LRTM3: variants seen among roughly 807,000 people sequenced by gnomAD.
LRTM3 encodes leucine rich repeat transmembrane protein 3.
chr13:102,738,777 C>A, the LRTM3 span: 18 of 1,550,422 alleles, frequency 1.2e-5, no homozygotes, highest in East Asian at 3.2e-4. Context: ...GAGATGGAAG[C>A]AAAAGGTTTG....
chr13:102,751,347 A>C, the LRTM3 span, among the ~76,000 whole-genome samples: 1 of 36,660 alleles, frequency 2.7e-5, no homozygotes, highest in Non-Finnish European at 6.8e-5. Flanking sequence ...CTTTATACAC[A>C]CACACACACA....
the LRTM3 span, chr13:102,744,985 C>T: frequency 6.4e-7 from 1 of 1,550,734 alleles, no homozygotes; most frequent in Non-Finnish European, 8.7e-7. Flanking sequence ...TTACTGAGTC[C>T]TCTGATTTTA....
chr13:102,746,550 T>C, the LRTM3 span: 1 of 1,551,002 alleles, frequency 6.4e-7, no homozygotes, highest in Non-Finnish European at 8.7e-7. Context: ...CTGTGGCTTG[T>C]GACACTGACT....
chr13:102,739,815 C>T, the LRTM3 span: 7 of 1,549,352 alleles, frequency 4.5e-6, no homozygotes, highest in African/African-American at 8.2e-5. Flanking sequence ...AGAATAGACT[C>T]ACATATTTTT....
At chr13:102,758,437 G>T in the LRTM3 span, 1 of 1,535,178 alleles carries the variant, frequency 6.5e-7, no homozygotes, top group South Asian at 1.2e-5. Flanking sequence ...ATTAATAACT[G>T]ACCAATTCTC....
chr13:102,758,745 T>C, the LRTM3 span: 1 of 1,550,936 alleles, frequency 6.4e-7, no homozygotes, highest in East Asian at 2.4e-5. Flanking sequence ...TGTGGGCTTC[T>C]TCCAAAAGGA....
chr13:102,737,306 A>G, the LRTM3 span: 2,045 of 1,551,126 alleles, frequency 1.3e-3, 1 homozygote, highest in Non-Finnish European at 1.5e-3. Context: ...CCTTAGTTGC[A>G]AAGTAGCAGA....
At chr13:102,752,953 GA>G in the LRTM3 span, among the ~76,000 whole-genome samples, 2 of 152,180 alleles carry the variant, frequency 1.3e-5, no homozygotes, top group Non-Finnish European at 2.9e-5. Context: ...GCCCTTGTAA[GA>G]AGAGGAAATT....
chr13:102,750,842 A>G, the LRTM3 span, among the ~76,000 whole-genome samples: 1 of 152,190 alleles, frequency 6.6e-6, no homozygotes, highest in Non-Finnish European at 1.5e-5. Context: ...TTGAGATCAA[A>G]AGAAAAGCCT....
At chr13:102,739,660 G>A in the LRTM3 span, 108 of 1,550,320 alleles carry the variant, frequency 7.0e-5, no homozygotes, top group Non-Finnish European at 8.5e-5. Flanking sequence ...GCTTCAAAAT[G>A]ATGTTAGGGC....
At chr13:102,731,669 A>G in the LRTM3 span, 2 of 1,551,358 alleles carry the variant, frequency 1.3e-6, no homozygotes, top group Admixed American at 3.9e-5. Context: ...TGCTTCACAA[A>G]TGGGAAGTAA....
the LRTM3 span, chr13:102,750,321 C>A: frequency 3.2e-6 from 5 of 1,545,454 alleles, no homozygotes; most frequent in Non-Finnish European, 4.4e-6. Flanking sequence ...ATTCTATCTT[C>A]AAAGTTACAT....
the LRTM3 span, chr13:102,729,896 G>C: frequency 5.8e-6 from 9 of 1,551,908 alleles, no homozygotes; most frequent in African/African-American, 8.2e-5. Flanking sequence ...GTGCCTGTGA[G>C]ACTTGCCTTG....
At chr13:102,747,423 T>C in the LRTM3 span, 1 of 1,548,382 alleles carries the variant, frequency 6.5e-7, no homozygotes, top group Non-Finnish European at 8.7e-7. Context: ...TTCTTTACTT[T>C]CATAATTACA....
chr13:102,735,663 C>T, the LRTM3 span: 1 of 1,551,276 alleles, frequency 6.4e-7, no homozygotes, highest in Middle Eastern at 1.7e-4. Flanking sequence ...CCTTTCTCTT[C>T]TCCCTGTGCT....
At chr13:102,735,878 G>C in the LRTM3 span, 1 of 1,539,436 alleles carries the variant, frequency 6.5e-7, no homozygotes, top group African/African-American at 1.4e-5. Context: ...AGATTTCCTC[G>C]GAACCACTCC....
the LRTM3 span, chr13:102,744,107 C>A: frequency 6.4e-7 from 1 of 1,550,592 alleles, no homozygotes; most frequent in Non-Finnish European, 8.7e-7. Flanking sequence ...ACTTGTGTAC[C>A]ATTGCTTCCC....
chr13:102,745,795 T>A, the LRTM3 span: 3 of 1,551,158 alleles, frequency 1.9e-6, no homozygotes, highest in Non-Finnish European at 2.6e-6. Context: ...ACTTTAGAGG[T>A]GAAAACCTAA....
At chr13:102,751,360 C>T in the LRTM3 span, among the ~76,000 whole-genome samples, 3 of 150,048 alleles carry the variant, frequency 2.0e-5, no homozygotes, top group Non-Finnish European at 4.5e-5. Context: ...CACACACACA[C>T]ACACACACAC....
Sources: allele counts gnomAD v4.1 joint callset (sites outside exome capture counted in the v4.1 genomes callset), GRCh38; gene constraint gnomAD v4.1.1; transcripts MANE v1.5; gene names NCBI Gene and HGNC (gene_info 2026-07-23, HGNC 2026-07-21).